ZNF283: variants seen among roughly 807,000 people sequenced by gnomAD.
The protein encoded by ZNF283 is zinc finger protein 41.
Under a neutral mutation model 9.2 loss-of-function variants are expected in ZNF283, and 10 were observed. That is an observed-to-expected ratio of 1.09 (90% confidence interval 0.67 to 1.85). The LOEUF is 1.85. Among genes scored for constraint, ZNF283 ranks in the 40% most tolerant of loss-of-function variants. The probability of loss-of-function intolerance (pLI) is 0.00; values close to 1 mark genes in which losing one functional copy is unlikely to be tolerated. For missense variants in ZNF283, 631 were observed against 760.1 expected, an observed-to-expected ratio of 0.83 and a Z score of 2.00; for synonymous variants, 234 against 244.1, an observed-to-expected ratio of 0.96 and a Z score of 0.38.
intron 3 of ZNF283, 35 bp from the exon 4 acceptor site, chr19:43,833,470 T>G (rs1023630586): frequency 3.7e-6 from 1 of 267,594 alleles, no homozygotes; most frequent in African/African-American, 2.5e-5. Context: ...TGTTTCTTTC[T>G]TCTTTACCTA....
Position 43,848,049 on chromosome 19 carries a change from G to C in ZNF283, c.1448G>C (p.Gly483Ala). 6.2e-7 allele frequency: 1 copy of C among 1,611,890 alleles called. No homozygotes were observed. The highest frequency in any genetic ancestry group is 8.5e-7 in the Non-Finnish European group (1 of 1,179,434). The change falls in exon 7 of 7, where the codon GGT (glycine) becomes GCT (alanine). Residue 483 changes from glycine (G) to alanine (A), a missense_variant. This residue lies in a region of ZNF283 where 444 missense variants were observed against 522.5 expected (regional missense o/e 0.85). Transcript: ENST00000618787. The part of the protein sequence containing the change: ...SLVKHERVHT[G>A]EKSHECKECG... ...GTTAAACATGAGAGAGTTCATACTG[G>C]TGAGAAATCCCATGAATGTAAAGAA...
At chr19:43,846,358 T>C (rs1255541586) in intron 6 of ZNF283, among the ~76,000 whole-genome samples, 1 of 152,216 alleles carries the variant, frequency 6.6e-6, no homozygotes, top group Non-Finnish European at 1.5e-5. Context: ...TTTTTACAAT[T>C]GTGAACATTT....
At chr19:43,837,523 G>A (rs1188356168) in intron 6 of ZNF283, 3 of 359,638 alleles carry the variant, frequency 8.3e-6, no homozygotes, top group Non-Finnish European at 9.9e-6. Context: ...TCTACTCCTG[G>A]CCAGCCTTGT....
chr19:43,832,233 G>A (rs1356564440), intron 3 of ZNF283, among the ~76,000 whole-genome samples: 1 of 152,164 alleles, frequency 6.6e-6, no homozygotes, highest in Non-Finnish European at 1.5e-5. Flanking sequence ...TTTAGAATTA[G>A]ATTATTTTAA....
At chr19:43,837,250 A>G in intron 6 of ZNF283, 71 bp downstream of exon 6, 2 of 1,451,744 alleles carry the variant, frequency 1.4e-6, no homozygotes, top group South Asian at 1.4e-5. Context: ...TGGAAATTAC[A>G]GGGCTATCTT....
chr19:43,847,245 C>T lies in ZNF283; in HGVS notation c.644C>T (p.Ala215Val). 2 of 1,613,878 alleles carry T rather than the reference C, an allele frequency of 1.2e-6. No homozygotes were observed. Among genetic ancestry groups the T allele is most frequent in the African/African-American group, 1.3e-5 (1 of 75,032 alleles). ...KSYVCKECGK[A>V]CSHGSKLVQH... ...TATGTTTGTAAGGAATGTGGGAAGG[C>T]TTGCAGTCATGGCTCAAAACTTGTT... Residue 215 changes from alanine (A) to valine (V), a missense_variant, in exon 7 of 7, where the codon GCT (alanine) becomes GTT (valine). Ala to Val is a moderately conservative substitution (Grantham distance 64, BLOSUM62 0). Around this residue, in one of 3 missense-constraint regions of ZNF283, gnomAD observed 184 missense variants for 220.0 expected, o/e 0.84. Coordinates refer to ENST00000618787, the MANE Select transcript of ZNF283 (RefSeq NM_181845.2).
At chr19:43,829,327 G>A (rs1006794799) in intron 2 of ZNF283, among the ~76,000 whole-genome samples, 2 of 152,176 alleles carry the variant, frequency 1.3e-5, no homozygotes. Context: ...GGAGGTTGCA[G>A]TGAGCCAAGA....
At chr19:43,837,564 G>C (rs1037927893) in intron 6 of ZNF283, 14 of 306,688 alleles carry the variant, frequency 4.6e-5, no homozygotes, top group Admixed American at 1.0e-4. Flanking sequence ...TCATGAACAA[G>C]CTTTGATAAC....
intron 2 of ZNF283, among the ~76,000 whole-genome samples, chr19:43,830,275 G>T (rs1376045546): frequency 6.6e-6 from 1 of 151,920 alleles, no homozygotes; most frequent in Non-Finnish European, 1.5e-5. Context: ...AGGGGGTTTT[G>T]CTATGTTGCC....
rs910629825 is a variant in ZNF283 at position 43,851,695 on chromosome 19, C to A, written c.*3054C>A. On this transcript the variant is annotated 3_prime_UTR_variant, in exon 7 of 7. Coordinates refer to ENST00000618787, the MANE Select transcript of ZNF283 (RefSeq NM_181845.2). ...TTGCGCCACTGCACTCCAGCCTGGGCGACAGAGCGAGACTCCGTCTCAAAA... is the reference window on the plus strand; with the variant it reads ...TTGCGCCACTGCACTCCAGCCTGGGAGACAGAGCGAGACTCCGTCTCAAAA... 1.3e-5 allele frequency: 2 copies of A among 151,998 alleles called. No homozygotes were observed. Among genetic ancestry groups the A allele is most frequent in the Non-Finnish European group, 2.9e-5 (2 of 68,024 alleles). 9.4% of individuals were successfully genotyped at this position (151,998 alleles called of 1,614,324 possible). A position where few individuals can be genotyped will look rare whatever the true frequency, so the allele number is the denominator to read the frequency against.
At chr19:43,835,663 C>G in intron 5 of ZNF283, 71 bp downstream of exon 5, 1 of 1,270,280 alleles carries the variant, frequency 7.9e-7, no homozygotes, top group South Asian at 1.3e-5. Flanking sequence ...ATTAATTTTC[C>G]TTAGACCTAT....
intron 1 of ZNF283, 99 bp downstream of exon 1, chr19:43,827,543 G>C (rs1300245410): frequency 6.6e-6 from 1 of 152,380 alleles, no homozygotes; most frequent in African/African-American, 2.4e-5. Context: ...GTGAGGGTGG[G>C]GGTGGCATCG....
intron 6 of ZNF283, chr19:43,841,525 C>T (rs1971211568): frequency 6.6e-6 from 1 of 151,756 alleles, no homozygotes; most frequent in Admixed American, 6.6e-5. Context: ...CTCTGCCTCC[C>T]AGGTTCAAGC....
intron 1 of ZNF283, chr19:43,827,646 T>C (rs11880651): frequency 0.33 from 50,371 of 152,122 alleles, 9,390 homozygotes; most frequent in South Asian, 0.56. Context: ...CGAGGGACAG[T>C]GTGTCTCAGA....
At chr19:43,829,827 G>A (rs1970624500) in intron 2 of ZNF283, among the ~76,000 whole-genome samples, 3 of 152,036 alleles carry the variant, frequency 2.0e-5, no homozygotes, top group Admixed American at 2.0e-4. Context: ...TTCGAGACCA[G>A]CCTGGCCAGC....
rs780171041 is a variant in ZNF283 at position 43,848,689 on chromosome 19, C to T, written c.*48C>T. ...TTGTGTGTGTGTATAGACAACTTAT[C>T]ATAATAAGAACTCTTACTCTTGAGA... is the stretch of plus-strand genomic sequence containing the variant. On this transcript the variant is annotated 3_prime_UTR_variant, in exon 7 of 7. Coordinates refer to ENST00000618787, the MANE Select transcript of ZNF283 (RefSeq NM_181845.2). 6 of 1,474,332 alleles carry T rather than the reference C, an allele frequency of 4.1e-6. No homozygotes were observed. Among genetic ancestry groups the T allele is most frequent in the Non-Finnish European group, 5.4e-6 (6 of 1,109,082 alleles). 91.3% of individuals were successfully genotyped at this position (1,474,332 alleles called of 1,614,324 possible).
chr19:43,849,277 C>T lies in ZNF283; in HGVS notation c.*636C>T, dbSNP rs1971542928. 6.6e-6 allele frequency: 1 copy of T among 152,126 alleles called. No individual in the cohort carries two copies. The highest frequency in any genetic ancestry group is 1.5e-5 in the Non-Finnish European group (1 of 68,006). 9.4% of individuals were successfully genotyped at this position (152,126 alleles called of 1,614,324 possible). On this transcript the variant is annotated 3_prime_UTR_variant, in exon 7 of 7. Transcript: ENST00000618787. ...GAGTAAATATTTGGAACTTTTATAGCAATTTGACATTTCCATAACATTCTG... is the reference window on the plus strand; with the variant it reads ...GAGTAAATATTTGGAACTTTTATAGTAATTTGACATTTCCATAACATTCTG...
chr19:43,832,881 G>C (rs112734566), intron 3 of ZNF283, among the ~76,000 whole-genome samples: 1 of 151,730 alleles, frequency 6.6e-6, no homozygotes, highest in East Asian at 1.9e-4. Flanking sequence ...ATCATTAGTC[G>C]GGCAAGGTGG....
At chr19:43,845,638 T>A (rs1971372995) in intron 6 of ZNF283, among the ~76,000 whole-genome samples, 1 of 152,138 alleles carries the variant, frequency 6.6e-6, no homozygotes, top group Non-Finnish European at 1.5e-5. Context: ...TACACAGAAG[T>A]GTGGCAAAAT....
Sources: gnomAD v4.1 joint callset for allele counts (sites outside exome capture counted in the v4.1 genomes callset) on GRCh38, gnomAD v4.1.1 for gene constraint, gnomAD v4.1.1 regional missense constraint, MANE v1.5 for transcripts, NCBI Gene and HGNC (gene_info 2026-07-23, HGNC 2026-07-21) for gene names.